Variants in SSH2 observed in about 807,000 individuals in gnomAD.
SSH2 encodes protein phosphatase Slingshot homolog 2.
A neutral mutation model predicts 135.2 loss-of-function variants in SSH2; 37 were observed. That is an observed-to-expected ratio of 0.27 (90% confidence interval 0.21 to 0.36). The LOEUF (loss-of-function observed/expected upper bound fraction) is 0.36, where lower values mean the gene tolerates loss of function less well. Ranked by LOEUF, SSH2 falls within the 10% of genes least tolerant of loss-of-function variation. The pLI is 1.00. For missense variants in SSH2, 1,408 were observed against 1,765.3 expected (o/e 0.80, Z 3.63); for synonymous variants, 628 against 646.2 (o/e 0.97, Z 0.43).
chr17:29,713,009 AAAT>A (rs763504280), intron 3 of SSH2, among the ~76,000 whole-genome samples: 18 of 152,134 alleles, frequency 1.2e-4, no homozygotes, highest in Non-Finnish European at 2.6e-4. Context: ...ACATATTGCT[AAAT>A]AATAGCTTAA....
intron 2 of SSH2, among the ~76,000 whole-genome samples, chr17:29,799,898 A>G (rs961879459): frequency 1.3e-5 from 2 of 152,222 alleles, no homozygotes; most frequent in Non-Finnish European, 2.9e-5. Flanking sequence ...TTTCTGCTAT[A>G]ATCAGCTGCA....
intron 3 of SSH2, among the ~76,000 whole-genome samples, chr17:29,715,137 G>A (rs986574345): frequency 6.6e-6 from 1 of 152,048 alleles, no homozygotes; most frequent in Non-Finnish European, 1.5e-5. Flanking sequence ...AAAGTGCTGG[G>A]ATTACAGACG....
chr17:29,854,187 T>C (rs1387796437), intron 1 of SSH2, among the ~76,000 whole-genome samples: 2 of 151,934 alleles, frequency 1.3e-5, no homozygotes, highest in Admixed American at 1.3e-4. Context: ...TCATATTCCC[T>C]ACATAACCTG....
intron 3 of SSH2, among the ~76,000 whole-genome samples, chr17:29,777,133 A>C (rs916346859): frequency 4.6e-5 from 7 of 152,022 alleles, no homozygotes; most frequent in African/African-American, 1.7e-4. Flanking sequence ...AATTGCTTGA[A>C]TCTGGAAGAT....
At position 29,631,391 on chromosome 17, in the gene SSH2, C is replaced by T. The variant is rs751092465; in HGVS notation, c.3803G>A (p.Arg1268Gln). 56 of 1,613,950 alleles carry T rather than the reference C, an allele frequency of 3.5e-5. 1 individual carries two copies. The Middle Eastern group carries it at 4.9e-4, about 14-fold the overall frequency. Residue 1268 changes from arginine to glutamine, a missense_variant, in exon 16 of 16, where the codon CGA (arginine) becomes CAA (glutamine). By Grantham distance (43) the Arg-to-Gln change is conservative. This residue lies in a region of SSH2 where 1,080 missense variants were observed against 1,144.5 expected (regional missense o/e 0.94). Transcript: ENST00000540801. ...VKERAKEIES[R>Q]VVFQAGLTKP... Reference sequence around the variant, plus strand: ...GGTGAGCCCTGCCTGGAAAACCACTCGAGACTCGATTTCTTTAGCACGCTC... The same window carrying T: ...GGTGAGCCCTGCCTGGAAAACCACTTGAGACTCGATTTCTTTAGCACGCTC...
At chr17:29,892,403 A>G (rs924227171) in intron 1 of SSH2, among the ~76,000 whole-genome samples, 2 of 152,080 alleles carry the variant, frequency 1.3e-5, no homozygotes, top group African/African-American at 4.8e-5. Context: ...TAATTCCTGA[A>G]AAGTCTGGTT....
chr17:29,904,270 G>A (rs2066613277), intron 1 of SSH2, among the ~76,000 whole-genome samples: 1 of 152,108 alleles, frequency 6.6e-6, no homozygotes, highest in Non-Finnish European at 1.5e-5. Context: ...CTGGCAAACT[G>A]AATCCAGCAG....
chr17:29,638,186 AAAC>A lies in SSH2; in HGVS notation c.1428-1387_1428-1385del, dbSNP rs1240768612. On this transcript the variant is annotated intron_variant, in intron 14 of 15. Transcript: ENST00000540801. ...TTGTGATACTAAAAGATGAGACACC[AAAC>A]AACAACAAAAAAGGATTTACATTAT... 2.6e-5 allele frequency among the ~76,000 whole-genome samples: 4 copies of A among 152,242 alleles called. No individual in the cohort carries two copies. The East Asian group carries it at 7.7e-4, about 29-fold the overall frequency.
rs1305809918 is a variant in SSH2 at position 29,842,306 on chromosome 17, T to C, written c.144+6543A>G. 2.6e-5 allele frequency among the ~76,000 whole-genome samples: 4 copies of C among 151,674 alleles called. No homozygotes were observed. The East Asian group carries it at 7.8e-4, about 30-fold the overall frequency. On this transcript the variant is annotated intron_variant, in intron 2 of 15. Coordinates refer to ENST00000540801, the MANE Select transcript of SSH2 (RefSeq NM_001282129.2). ...CTGTCTCTACTAAAAATACAAAAAT[T>C]AGCTGAGTGTCATGGCAGGCACCTA...
chr17:29,906,543 C>T (rs1230279402), intron 1 of SSH2, among the ~76,000 whole-genome samples: 1 of 152,188 alleles, frequency 6.6e-6, no homozygotes, highest in African/African-American at 2.4e-5. Flanking sequence ...TGCTTCTGCA[C>T]TCCAAAATAA....
chr17:29,636,436 A>G lies in SSH2; in HGVS notation c.1794T>C (p.His598=), dbSNP rs1200023944. 9 of 1,614,110 alleles carry G rather than the reference A, an allele frequency of 5.6e-6. No individual in the cohort carries two copies. The highest frequency in any genetic ancestry group is 1.3e-5 in the African/African-American group (1 of 74,938). The change falls in exon 15 of 16, where the codon CAT becomes CAC. Residue 598 remains histidine, a synonymous_variant. Transcript: ENST00000540801. Reference sequence around the variant, plus strand: ...CAGGCTGAATTAAGGCTTTGGATGCATGGCAATTGTCAAGAGGAAATTTTG... The same window carrying G: ...CAGGCTGAATTAAGGCTTTGGATGCGTGGCAATTGTCAAGAGGAAATTTTG... ...NESKFPLDNC[H]ASKALIQPGH...
intron 3 of SSH2, among the ~76,000 whole-genome samples, chr17:29,704,885 C>A (rs1598843161): frequency 2.0e-5 from 3 of 152,052 alleles, no homozygotes; most frequent in Non-Finnish European, 4.4e-5. Context: ...TTTAGAAATA[C>A]CTAATAGAGG....
intron 2 of SSH2, among the ~76,000 whole-genome samples, chr17:29,834,318 C>T (rs1555641496): frequency 6.6e-6 from 1 of 152,090 alleles, no homozygotes; most frequent in Non-Finnish European, 1.5e-5. Context: ...ATTGAATTGG[C>T]AGGTAACAAA....
At position 29,758,073 on chromosome 17, in the gene SSH2, CAA is replaced by C. The variant is rs970297047; in HGVS notation, c.188+35819_188+35820del. Among the ~76,000 whole-genome samples the C allele has an allele frequency of 1.1e-4, 16 of 151,422 alleles. No individual in the cohort carries two copies. The South Asian group carries it at 1.5e-3, about 14-fold the overall frequency. On this transcript the variant is annotated intron_variant, in intron 3 of 15. Transcript: ENST00000540801. ...AAACAAAACAAAACAAAACAAGAAA[CAA>C]AGAAAAAAGAAGTGGGAAAATAGAG...
At chr17:29,823,663 G>T (rs2151347789) in intron 2 of SSH2, among the ~76,000 whole-genome samples, 1 of 152,212 alleles carries the variant, frequency 6.6e-6, no homozygotes, top group East Asian at 1.9e-4. Flanking sequence ...AGATCACTTT[G>T]AGGTTAGCGG....
At chr17:29,826,757 C>G (rs1277372371) in intron 2 of SSH2, among the ~76,000 whole-genome samples, 3 of 152,130 alleles carry the variant, frequency 2.0e-5, no homozygotes, top group Admixed American at 6.5e-5. Context: ...GACAGTGGCC[C>G]TGCTTGGGTC....
intron 3 of SSH2, among the ~76,000 whole-genome samples, chr17:29,774,959 CGTT>C (rs967353342): frequency 6.6e-6 from 1 of 152,170 alleles, no homozygotes; most frequent in Admixed American, 6.5e-5. Context: ...ATCCTATACT[CGTT>C]GTGCTCTCAC....
intron 5 of SSH2, among the ~76,000 whole-genome samples, chr17:29,686,444 C>G (rs921939527): frequency 6.6e-6 from 1 of 151,384 alleles, no homozygotes; most frequent in African/African-American, 2.4e-5. Flanking sequence ...TCACTGCAAC[C>G]TCCACCTCCC....
chr17:29,630,968 C>T lies in SSH2; in HGVS notation c.4226G>A (p.Cys1409Tyr). 1 of 1,613,358 alleles carries T rather than the reference C, an allele frequency of 6.2e-7. No homozygotes were observed. Among genetic ancestry groups the T allele is most frequent in the South Asian group, 1.1e-5 (1 of 91,078 alleles). Residue 1409 changes from cysteine to tyrosine, a missense_variant, in exon 16 of 16, where the codon TGT (cysteine) becomes TAT (tyrosine). Cys to Tyr is a radical substitution (Grantham distance 194, BLOSUM62 -2). Transcript: ENST00000540801. ...LPVLQTQGLQ[C>Y]ACPAPGLAVA... ...GGCCAGCCCTGGAGCTGGGCATGCA[C>T]ACTGCAGTCCCTGGGTCTGTAGCAC... is the stretch of plus-strand genomic sequence containing the variant.
Sources: gnomAD v4.1 joint callset for allele counts (sites outside exome capture counted in the v4.1 genomes callset) on GRCh38, gnomAD v4.1.1 for gene constraint, gnomAD v4.1.1 regional missense constraint, MANE v1.5 for transcripts, NCBI Gene and HGNC (gene_info 2026-07-23, HGNC 2026-07-21) for gene names.